Variants in IGF1R observed in about 807,000 individuals in gnomAD.
IGF1R encodes the protein insulin like growth factor 1 receptor.
Under a neutral mutation model 144.6 loss-of-function variants are expected in IGF1R, and 44 were observed. The observed-to-expected ratio is 0.30, with a 90% CI of 0.24 to 0.39. The LOEUF is 0.39. Among genes scored for constraint, IGF1R ranks in the 10% least tolerant of loss-of-function variants. The pLI is 1.00. For missense variants in IGF1R, 1,355 were observed against 1,833.7 expected (o/e 0.74, Z 4.77); for synonymous variants, 795 against 722.8 (o/e 1.10, Z -1.60).
chr15:98,741,258 TTTTG>T (rs2054736124), intron 2 of IGF1R, among the ~76,000 whole-genome samples: 1 of 150,636 alleles, frequency 6.6e-6, no homozygotes, highest in African/African-American at 2.4e-5. Flanking sequence ...TTTTTTTTTT[TTTTG>T]GTAACAAGAT....
chr15:98,710,997 A>G (rs935008881), intron 2 of IGF1R, among the ~76,000 whole-genome samples: 5 of 152,170 alleles, frequency 3.3e-5, no homozygotes, highest in African/African-American at 1.2e-4. Flanking sequence ...TGGCTACTTG[A>G]AAATTTAAAA....
intron 2 of IGF1R, among the ~76,000 whole-genome samples, chr15:98,733,537 A>G (rs2054544076): frequency 6.6e-6 from 1 of 151,326 alleles, no homozygotes; most frequent in Non-Finnish European, 1.5e-5. Context: ...AGACGAGGCC[A>G]GAGGATCTCA....
intron 2 of IGF1R, among the ~76,000 whole-genome samples, chr15:98,724,115 T>C (rs1013662998): frequency 1.3e-5 from 2 of 152,240 alleles, no homozygotes; most frequent in Non-Finnish European, 2.9e-5. Context: ...AAGGTTATTG[T>C]AAATGAGGAG....
At chr15:98,912,943 C>T (rs2015086125) in intron 7 of IGF1R, 101 bp from the exon 8 acceptor site, 3 of 768,908 alleles carry the variant, frequency 3.9e-6, no homozygotes, top group East Asian at 2.5e-5. Flanking sequence ...TTATTTAGAC[C>T]TCCCATTATA....
chr15:98,783,220 T>A (rs941113802), intron 2 of IGF1R, among the ~76,000 whole-genome samples: 5 of 152,242 alleles, frequency 3.3e-5, no homozygotes, highest in African/African-American at 4.8e-5. Context: ...TAACATTTTG[T>A]GAAACTAGTA....
rs2015622318 is a variant in IGF1R at position 98,924,459 on chromosome 15, T to C, written c.2623-66T>C. 4 of 1,515,838 alleles carry C rather than the reference T, an allele frequency of 2.6e-6. No homozygotes were observed. In the Admixed American group the frequency reaches 5.0e-5, roughly 19 times the overall value. The allele number at this position is 1,515,838 out of a possible 1,614,324, so 93.9% of individuals were successfully genotyped here. A position where few individuals can be genotyped will look rare whatever the true frequency, so the allele number is the denominator to read the frequency against. Reference sequence around the variant, plus strand: ...GCTGGAGTCCCCAGTGTGGTGAGTTTAGTTGGCAGGCCCCAGATTTCTCCT... The same window carrying C: ...GCTGGAGTCCCCAGTGTGGTGAGTTCAGTTGGCAGGCCCCAGATTTCTCCT... On this transcript the variant is annotated intron_variant, in intron 12 of 20. Transcript: ENST00000650285.
intron 2 of IGF1R, among the ~76,000 whole-genome samples, chr15:98,824,477 A>G (rs1175367329): frequency 6.6e-6 from 1 of 152,120 alleles, no homozygotes; most frequent in Non-Finnish European, 1.5e-5. Context: ...TAAGGTACTC[A>G]TATGTTCAAA....
intron 5 of IGF1R, among the ~76,000 whole-genome samples, chr15:98,901,330 T>C (rs1207372151): frequency 6.6e-6 from 1 of 152,226 alleles, no homozygotes; most frequent in Non-Finnish European, 1.5e-5. Flanking sequence ...CTTTCATTCC[T>C]GCGTGCAGCT....
intron 1 of IGF1R, among the ~76,000 whole-genome samples, chr15:98,699,277 G>A (rs2053668721): frequency 6.6e-6 from 1 of 152,196 alleles, no homozygotes; most frequent in South Asian, 2.1e-4. Flanking sequence ...TGTGGGACTA[G>A]GCAGGTGCTG....
intron 3 of IGF1R, among the ~76,000 whole-genome samples, chr15:98,892,473 G>A (rs1596404124): frequency 7.5e-6 from 1 of 133,636 alleles, no homozygotes; most frequent in African/African-American, 3.0e-5. Flanking sequence ...GTTGCAGTGA[G>A]CCAAGATCAC....
At chr15:98,849,217 A>G (rs2011453633) in intron 2 of IGF1R, among the ~76,000 whole-genome samples, 1 of 152,246 alleles carries the variant, frequency 6.6e-6, no homozygotes, top group African/African-American at 2.4e-5. Context: ...CAGAATAGAA[A>G]GTCCAAATGT....
chr15:98,754,274 C>A (rs8027767), intron 2 of IGF1R, among the ~76,000 whole-genome samples: 82,768 of 151,854 alleles, frequency 0.55, 22,831 homozygotes, highest in Non-Finnish European at 0.58. Flanking sequence ...TTCTTTCTGC[C>A]TTTCTGTCTT....
At position 98,704,123 on chromosome 15, in the gene IGF1R, A is replaced by G. The variant is rs1409134998; in HGVS notation, c.95-3439A>G. Among the ~76,000 whole-genome samples, 1 of 152,196 alleles carries G rather than the reference A, an allele frequency of 6.6e-6. No individual in the cohort carries two copies. The highest frequency in any genetic ancestry group is 6.5e-5 in the Admixed American group (1 of 15,278). On this transcript the variant is annotated intron_variant, in intron 1 of 20. Transcript: ENST00000650285. The surrounding 1 kb of genome is among the most constrained non-coding windows in gnomAD (Gnocchi z 4.9). ...ATGTGTCTTTTCCACACATGCCCAG[A>G]TTCCCTCAGACACCTCCACAAAGGG...
Position 98,934,363 on chromosome 15 carries a change from C to T in IGF1R, c.2957-461C>T, listed in dbSNP as rs181517417. On this transcript the variant is annotated intron_variant, in intron 15 of 20. Transcript: ENST00000650285. ...TCCCGACCCAGCATAAGAACTCTTC[C>T]CTCTCCCTACTACTCTCCTCCTTTT... is the stretch of plus-strand genomic sequence containing the variant. 7.2e-5 allele frequency among the ~76,000 whole-genome samples: 11 copies of T among 152,274 alleles called. No individual in the cohort carries two copies. In the East Asian group the frequency reaches 2.1e-3, roughly 29 times the overall value.
chr15:98,869,534 C>G (rs1270276271), intron 2 of IGF1R, among the ~76,000 whole-genome samples: 1 of 151,408 alleles, frequency 6.6e-6, no homozygotes, highest in Non-Finnish European at 1.5e-5. Context: ...CTCTCGGGTT[C>G]AAGCGATTCT....
chr15:98,884,755 G>A (rs1354845352), intron 2 of IGF1R, among the ~76,000 whole-genome samples: 1 of 150,846 alleles, frequency 6.6e-6, no homozygotes, highest in Non-Finnish European at 1.5e-5. Flanking sequence ...AATCTACCCT[G>A]CTTTTCCTCA....
At chr15:98,664,633 C>T (rs2052684094) in intron 1 of IGF1R, among the ~76,000 whole-genome samples, 1 of 136,976 alleles carries the variant, frequency 7.3e-6, no homozygotes, top group South Asian at 2.2e-4. Context: ...TTGGAGGTTG[C>T]AGTGAGCCAA....
chr15:98,819,247 A>C (rs553050507), intron 2 of IGF1R, among the ~76,000 whole-genome samples: 1 of 152,264 alleles, frequency 6.6e-6, no homozygotes, highest in East Asian at 1.9e-4. Flanking sequence ...GAAATCATCC[A>C]GGGGTTTTCA....
chr15:98,747,665 T>G (rs540591877), intron 2 of IGF1R, among the ~76,000 whole-genome samples: 40 of 152,252 alleles, frequency 2.6e-4, no homozygotes, highest in South Asian at 1.0e-3. Flanking sequence ...AGAAGGAGAT[T>G]TGGAGATTTT....
Sources: allele counts gnomAD v4.1 joint callset (sites outside exome capture counted in the v4.1 genomes callset), GRCh38; gene constraint gnomAD v4.1.1; non-coding constraint Gnocchi (gnomAD v3.1); transcripts MANE v1.5; gene names NCBI Gene and HGNC (gene_info 2026-07-23, HGNC 2026-07-21).